PCDH15: variants seen among roughly 807,000 people sequenced by gnomAD.
PCDH15 encodes the protein protocadherin related 15.
A neutral mutation model predicts 178.5 loss-of-function variants in PCDH15; 129 were observed. That is an observed-to-expected ratio of 0.72 (90% CI 0.63 to 0.84). The LOEUF (loss-of-function observed/expected upper bound fraction) is 0.84. Among genes scored for constraint, PCDH15 ranks in the 40% least tolerant of loss-of-function variants. The pLI, the probability that PCDH15 is intolerant of heterozygous loss-of-function variation, is 0.00. For synonymous variants in PCDH15, 800 were observed against 732.0 expected (o/e 1.09, Z -1.50); for missense variants, 2,230 against 2,099.9 (o/e 1.06, Z -1.21).
chr10:53,858,475 G>T (rs2078899292), intron 27 of PCDH15, among the ~76,000 whole-genome samples: 1 of 152,058 alleles, frequency 6.6e-6, no homozygotes. Flanking sequence ...TCACCTCTAA[G>T]GAATATTGCA....
chr10:54,131,942 C>T (rs558257626), intron 15 of PCDH15, among the ~76,000 whole-genome samples: 3 of 152,024 alleles, frequency 2.0e-5, no homozygotes, highest in South Asian at 2.1e-4. Flanking sequence ...GGGATTTAAG[C>T]GAGATGTAGC....
chr10:54,148,813 T>C (rs1026655288), intron 14 of PCDH15, among the ~76,000 whole-genome samples: 2 of 152,032 alleles, frequency 1.3e-5, no homozygotes, highest in Non-Finnish European at 1.5e-5. Context: ...GTATTTCCTG[T>C]AGACTCTTGT....
intron 2 of PCDH15, among the ~76,000 whole-genome samples, chr10:55,618,010 A>G (rs1467612851): frequency 1.3e-5 from 2 of 152,086 alleles, no homozygotes; most frequent in Non-Finnish European, 1.5e-5. Flanking sequence ...TCAAGATAAA[A>G]TATAGTGTTT....
chr10:54,222,806 C>T (rs1286491622), intron 9 of PCDH15, among the ~76,000 whole-genome samples: 1 of 152,078 alleles, frequency 6.6e-6, no homozygotes, highest in African/African-American at 2.4e-5. Flanking sequence ...AACTTTCTGC[C>T]ATTTTATAAT....
At chr10:53,930,506 A>G (rs1419790502) in intron 25 of PCDH15, among the ~76,000 whole-genome samples, 1 of 143,322 alleles carries the variant, frequency 7.0e-6, no homozygotes, top group Non-Finnish European at 1.5e-5. Context: ...ACGCATTCAC[A>G]TTTGTCTTTC....
At chr10:54,819,358 A>G (rs967425348) in intron 3 of PCDH15, among the ~76,000 whole-genome samples, 6 of 151,998 alleles carry the variant, frequency 3.9e-5, no homozygotes, top group African/African-American at 1.4e-4. Context: ...ATCATTTTCA[A>G]TTGGTTTAAA....
chr10:55,275,699 GTCTC>G lies in PCDH15; in HGVS notation c.-156+43896_-156+43899del, dbSNP rs1163505380. Reference sequence around the variant, plus strand: ...ATAAATCTTGAAATCAGTAGGACTTGTCTCTCTTTTTTTTTTTTTCCTGTAGAGT... The same window carrying G: ...ATAAATCTTGAAATCAGTAGGACTTGTCTTTTTTTTTTTTTCCTGTAGAGT... On this transcript the variant is annotated intron_variant, in intron 1 of 5. Transcript: ENST00000458638. 8.9e-5 allele frequency among the ~76,000 whole-genome samples: 13 copies of G among 145,458 alleles called. 1 individual carries two copies. Among genetic ancestry groups the G allele is most frequent in the African/African-American group, 2.8e-4 (11 of 39,690 alleles).
intron 2 of PCDH15, among the ~76,000 whole-genome samples, chr10:55,531,735 C>A (rs567846608): frequency 2.0e-5 from 3 of 152,028 alleles, no homozygotes; most frequent in Non-Finnish European, 2.9e-5. Context: ...ATTGCCAGAT[C>A]ATTCTCACAT....
At chr10:54,823,036 G>A (rs1369944115) in intron 3 of PCDH15, among the ~76,000 whole-genome samples, 2 of 151,752 alleles carry the variant, frequency 1.3e-5, no homozygotes, top group Non-Finnish European at 2.9e-5. Context: ...TGGGTGCCAC[G>A]ACGTCCAGCT....
intron 13 of PCDH15, among the ~76,000 whole-genome samples, chr10:54,157,218 T>C (rs1295885198): frequency 6.6e-6 from 1 of 152,252 alleles, no homozygotes; most frequent in Non-Finnish European, 1.5e-5. Context: ...ATTTCCCTTC[T>C]GCACTGCCCT....
At chr10:55,379,697 C>T (rs1351324748) in intron 2 of PCDH15, among the ~76,000 whole-genome samples, 1 of 151,958 alleles carries the variant, frequency 6.6e-6, no homozygotes, top group Non-Finnish European at 1.5e-5. Flanking sequence ...TTTACCCCCA[C>T]ATACATAGTA....
At chr10:54,582,392 T>C (rs1265973276) in intron 2 of PCDH15, among the ~76,000 whole-genome samples, 1 of 152,090 alleles carries the variant, frequency 6.6e-6, no homozygotes, top group African/African-American at 2.4e-5. Flanking sequence ...CTGTGACTGG[T>C]AAAATTTACA....
At chr10:55,019,420 T>C (rs376980383) in intron 2 of PCDH15, among the ~76,000 whole-genome samples, 8 of 152,328 alleles carry the variant, frequency 5.3e-5, no homozygotes, top group Middle Eastern at 3.4e-3. Context: ...GCATTTTACA[T>C]GACTTTCAAA....
At chr10:54,880,869 T>C (rs1281925458) in intron 3 of PCDH15, among the ~76,000 whole-genome samples, 1 of 151,520 alleles carries the variant, frequency 6.6e-6, no homozygotes, top group East Asian at 1.9e-4. Flanking sequence ...AAAACTTGTA[T>C]ATGTAACATT....
chr10:54,209,772 C>T (rs868416948), intron 10 of PCDH15, among the ~76,000 whole-genome samples: 1 of 152,154 alleles, frequency 6.6e-6, no homozygotes, highest in South Asian at 2.1e-4. Flanking sequence ...TGAAAACTAG[C>T]AAATGTCATA....
At chr10:55,038,312 G>A (rs1030570863) in intron 2 of PCDH15, among the ~76,000 whole-genome samples, 9 of 152,100 alleles carry the variant, frequency 5.9e-5, no homozygotes, top group African/African-American at 2.2e-4. Flanking sequence ...TCTATAAATT[G>A]TAAAATAATT....
intron 8 of PCDH15, among the ~76,000 whole-genome samples, chr10:54,289,903 G>C (rs560697022): frequency 6.6e-5 from 10 of 152,308 alleles, no homozygotes; most frequent in African/African-American, 2.2e-4. Flanking sequence ...TATGTGAAAA[G>C]ACCAAATCTA....
At chr10:55,301,711 A>G (rs1041595337) in intron 1 of PCDH15, among the ~76,000 whole-genome samples, 1 of 152,066 alleles carries the variant, frequency 6.6e-6, no homozygotes, top group African/African-American at 2.4e-5. Context: ...TTTTATTCTA[A>G]AAGTTTTATA....
At chr10:53,959,865 C>A (rs778980208) in intron 22 of PCDH15, 21 bp from the exon 23 acceptor site, 17 of 1,575,344 alleles carry the variant, frequency 1.1e-5, no homozygotes, top group Non-Finnish European at 1.5e-5. Flanking sequence ...AATAAAAATT[C>A]ATGTTAAAGA....
Sources: gnomAD v4.1 joint callset for allele counts (sites outside exome capture counted in the v4.1 genomes callset) on GRCh38, gnomAD v4.1.1 for gene constraint, MANE v1.5 for transcripts, NCBI Gene and HGNC (gene_info 2026-07-23, HGNC 2026-07-21) for gene names.